UBXN7: variants seen among roughly 807,000 people sequenced by gnomAD.
UBXN7 encodes the protein UBX domain-containing protein 7.
Under a neutral mutation model 58.0 loss-of-function variants are expected in UBXN7, and 9 were observed. That is an observed-to-expected ratio of 0.16 (90% CI 0.09 to 0.27). The LOEUF (loss-of-function observed/expected upper bound fraction) is 0.27, where lower values mean the gene tolerates loss of function less well. Among genes scored for constraint, UBXN7 ranks in the 10% least tolerant of loss-of-function variants. The pLI is 1.00. For missense variants in UBXN7, 328 were observed against 599.6 expected (o/e 0.55, Z 4.73); for synonymous variants, 208 against 205.0 (o/e 1.01, Z -0.12).
intron 1 of UBXN7, chr3:196,431,684 T>C: frequency 3.2e-6 from 1 of 316,272 alleles, no homozygotes; most frequent in Non-Finnish European, 6.4e-6. Context: ...GGGTTCCCCC[T>C]CATTCTTCCC....
chr3:196,417,248 C>G (rs1730524188), intron 1 of UBXN7, among the ~76,000 whole-genome samples: 1 of 152,056 alleles, frequency 6.6e-6, no homozygotes, highest in Admixed American at 6.6e-5. Context: ...GGCAGCGGAG[C>G]TTGCAGTGAG....
chr3:196,391,976 C>T (rs746143528), intron 4 of UBXN7, 51 bp from the exon 5 acceptor site: 4 of 338,612 alleles, frequency 1.2e-5, no homozygotes, highest in Non-Finnish European at 1.3e-5. Context: ...ATGAATCACA[C>T]TGAAAAAAAA....
Position 196,355,368 on chromosome 3 carries a change from T to C in UBXN7, c.*1317A>G, listed in dbSNP as rs890089786. The C allele has an allele frequency of 6.6e-6, 1 of 152,218 alleles. No homozygotes were observed. Among genetic ancestry groups the C allele is most frequent in the Non-Finnish European group, 1.5e-5 (1 of 68,026 alleles). 9.4% of individuals were successfully genotyped at this position (152,218 alleles called of 1,614,324 possible). Reference sequence around the variant, plus strand: ...TAAATGGTATTCTACAGATTCAAGATGGCCTCTTCTAAAAACACTGAAGAA... The same window carrying C: ...TAAATGGTATTCTACAGATTCAAGACGGCCTCTTCTAAAAACACTGAAGAA... On this transcript the variant is annotated 3_prime_UTR_variant, in exon 11 of 11. Transcript: ENST00000296328.
intron 5 of UBXN7, among the ~76,000 whole-genome samples, chr3:196,380,257 C>CA (rs1385478482): frequency 0.034 from 2,884 of 85,362 alleles, 170 homozygotes; most frequent in East Asian, 0.3. Flanking sequence ...GATTTCATCT[C>CA]AAAAAAAAAA....
chr3:196,377,490 A>G (rs1400601027), intron 5 of UBXN7, among the ~76,000 whole-genome samples: 1 of 152,180 alleles, frequency 6.6e-6, no homozygotes. Flanking sequence ...GGAACCTACG[A>G]AATCAATCTG....
chr3:196,378,662 C>T lies in UBXN7; in HGVS notation c.469-6620G>A, dbSNP rs191462266. Among the ~76,000 whole-genome samples the T allele has an allele frequency of 4.7e-4, 71 of 152,334 alleles. 1 individual carries two copies. The highest frequency in any genetic ancestry group is 1.8e-3 in the Admixed American group (27 of 15,298). On this transcript the variant is annotated intron_variant, in intron 5 of 10. Transcript: ENST00000296328. The stretch of plus-strand genomic sequence containing the variant: ...GATACAGGGCAACTTCCTGATGTTG[C>T]CATGGCATTTGTAAACTGCCACTGC...
chr3:196,371,575 G>A (rs1247354462), intron 6 of UBXN7, among the ~76,000 whole-genome samples: 3 of 152,044 alleles, frequency 2.0e-5, no homozygotes, highest in Non-Finnish European at 4.4e-5. Context: ...TCCGCTACCC[G>A]GGTTCAAGTG....
intron 8 of UBXN7, among the ~76,000 whole-genome samples, chr3:196,367,624 A>G (rs1450734542): frequency 1.3e-5 from 2 of 152,160 alleles, no homozygotes; most frequent in East Asian, 1.9e-4. Flanking sequence ...CAAAACACAC[A>G]AAAAAACCAA....
At chr3:196,362,889 A>G (rs1232389358) in intron 8 of UBXN7, among the ~76,000 whole-genome samples, 1 of 151,754 alleles carries the variant, frequency 6.6e-6, no homozygotes, top group Non-Finnish European at 1.5e-5. Flanking sequence ...ACACACACAC[A>G]CGTTTTTGTT....
intron 1 of UBXN7, among the ~76,000 whole-genome samples, chr3:196,426,127 T>G (rs1391188503): frequency 6.6e-6 from 1 of 152,076 alleles, no homozygotes; most frequent in Non-Finnish European, 1.5e-5. Flanking sequence ...CTCAAGCCTG[T>G]AATCCCAGCG....
chr3:196,407,825 C>A (rs767033304), intron 1 of UBXN7, among the ~76,000 whole-genome samples: 2 of 152,030 alleles, frequency 1.3e-5, no homozygotes, highest in African/African-American at 4.8e-5. Flanking sequence ...TCAGGCTGGG[C>A]GCAGTGGCTC....
At chr3:196,363,981 G>A (rs1249477812) in intron 8 of UBXN7, among the ~76,000 whole-genome samples, 1 of 150,974 alleles carries the variant, frequency 6.6e-6, no homozygotes, top group Non-Finnish European at 1.5e-5. Context: ...TACCTGCCTA[G>A]AGAAAGACAA....
At chr3:196,409,545 T>C (rs1730260331) in intron 1 of UBXN7, among the ~76,000 whole-genome samples, 1 of 152,150 alleles carries the variant, frequency 6.6e-6, no homozygotes, top group South Asian at 2.1e-4. Flanking sequence ...GGATATGATT[T>C]GACAGACTTT....
intron 1 of UBXN7, among the ~76,000 whole-genome samples, chr3:196,413,902 C>T (rs534024807): frequency 6.6e-6 from 1 of 152,118 alleles, no homozygotes; most frequent in African/African-American, 2.4e-5. Flanking sequence ...AATGTAAATG[C>T]TATTACATTG....
chr3:196,398,070 T>C (rs956432671), intron 3 of UBXN7, among the ~76,000 whole-genome samples: 1 of 152,198 alleles, frequency 6.6e-6, no homozygotes, highest in African/African-American at 2.4e-5. Context: ...CACTTCCAGA[T>C]TACGTTACAA....
chr3:196,373,991 TATA>T (rs1420302499), intron 5 of UBXN7, among the ~76,000 whole-genome samples: 7 of 152,224 alleles, frequency 4.6e-5, no homozygotes, highest in Admixed American at 3.3e-4. Context: ...AATATACAAA[TATA>T]ATAATTCCTT....
intron 1 of UBXN7, among the ~76,000 whole-genome samples, chr3:196,424,701 AC>A (rs1730793057): frequency 9.2e-6 from 1 of 108,440 alleles, no homozygotes; most frequent in Non-Finnish European, 1.9e-5. Flanking sequence ...CATTTTTATA[AC>A]CTTTTTTTTT....
intron 3 of UBXN7, chr3:196,400,715 G>T: frequency 5.3e-6 from 2 of 375,696 alleles, no homozygotes; most frequent in Admixed American, 3.9e-5. Flanking sequence ...ACTCCAGCCT[G>T]GGCAACAGAC....
intron 1 of UBXN7, among the ~76,000 whole-genome samples, chr3:196,430,040 T>A (rs1326288031): frequency 2.6e-5 from 4 of 152,124 alleles, no homozygotes. Context: ...GTAATTAGCA[T>A]AAGAAACTGA....
Sources: allele counts gnomAD v4.1 joint callset (sites outside exome capture counted in the v4.1 genomes callset), GRCh38; gene constraint gnomAD v4.1.1; transcripts MANE v1.5; gene names NCBI Gene and HGNC (gene_info 2026-07-23, HGNC 2026-07-21).